Variants in FMN2 observed in about 807,000 individuals in gnomAD.
FMN2 encodes the protein formin 2.
FMN2 carries 51 observed loss-of-function variants against 142.3 expected under a neutral mutation model. The observed-to-expected ratio is 0.36, with a 90% confidence interval of 0.29 to 0.45. The LOEUF is 0.45. FMN2 is among the 20% of genes least tolerant of loss of function. The pLI, the probability that FMN2 is intolerant of heterozygous loss-of-function variation, is 1.00. For synonymous variants in FMN2, 882 were observed against 869.8 expected, an observed-to-expected ratio of 1.01 and a Z score of -0.25; for missense variants, 1,936 against 2,122.8, an observed-to-expected ratio of 0.91 and a Z score of 1.73.
chr1:240,409,135 CTTATTTTTTTACTTT>C (rs1226689829), intron 15 of FMN2, among the ~76,000 whole-genome samples: 1 of 152,020 alleles, frequency 6.6e-6, no homozygotes, highest in Non-Finnish European at 1.5e-5. Flanking sequence ...TTCCTTTTCT[CTTATTTTTTTACTTT>C]TTATTTTTTT....
At chr1:240,450,335 T>C (rs896842417) in intron 16 of FMN2, among the ~76,000 whole-genome samples, 8 of 152,218 alleles carry the variant, frequency 5.3e-5, no homozygotes, top group Non-Finnish European at 1.2e-4. Context: ...TATTGTCTTA[T>C]GTGAAGCCTA....
intron 4 of FMN2, among the ~76,000 whole-genome samples, chr1:240,196,597 C>G (rs1042023200): frequency 1.3e-5 from 2 of 152,010 alleles, no homozygotes; most frequent in African/African-American, 4.8e-5. Flanking sequence ...CTGCAACCTC[C>G]GCCTCCCAGG....
intron 16 of FMN2, among the ~76,000 whole-genome samples, chr1:240,469,912 G>A (rs1676752070): frequency 6.6e-6 from 1 of 152,154 alleles, no homozygotes. Flanking sequence ...ATGAATGGAT[G>A]AGCTGAAAGA....
intron 2 of FMN2, among the ~76,000 whole-genome samples, chr1:240,148,716 C>T (rs985298214): frequency 2.2e-4 from 33 of 152,296 alleles, no homozygotes; most frequent in African/African-American, 7.0e-4. Flanking sequence ...TGCAGTGGCT[C>T]GCGCCTGTAA....
At position 240,391,825 on chromosome 1, in the gene FMN2, C is replaced by CA. The variant is rs71638662; in HGVS notation, c.4859-674dup. On this transcript the variant is annotated intron_variant, in intron 14 of 17. Transcript: ENST00000319653. ...CATAATTCCTAGAATGCTTACTTGT[C>CA]AAAAAAAAAAAATGAAGTCACAGCC... 6.2e-3 allele frequency among the ~76,000 whole-genome samples: 861 copies of CA among 139,664 alleles called. 9 individuals are homozygous for CA. The highest frequency in any genetic ancestry group is 0.019 in the African/African-American group (712 of 37,310). The allele number at this position is 139,664 out of a possible 152,430, so 91.6% of individuals were successfully genotyped here. A position where few individuals can be genotyped will look rare whatever the true frequency, so the allele number is the denominator to read the frequency against.
At chr1:240,141,790 A>G (rs528011161) in intron 2 of FMN2, among the ~76,000 whole-genome samples, 70 of 152,274 alleles carry the variant, frequency 4.6e-4, no homozygotes, top group African/African-American at 1.5e-3. Flanking sequence ...ACTGGATTTC[A>G]CTATTTACTC....
At chr1:240,456,345 C>A (rs1676245339) in intron 16 of FMN2, among the ~76,000 whole-genome samples, 1 of 152,182 alleles carries the variant, frequency 6.6e-6, no homozygotes, top group Non-Finnish European at 1.5e-5. Context: ...CATATACTTA[C>A]AGAAATACCA....
intron 14 of FMN2, among the ~76,000 whole-genome samples, chr1:240,381,692 A>G (rs1186875110): frequency 1.3e-5 from 2 of 152,352 alleles, no homozygotes; most frequent in East Asian, 3.9e-4. Context: ...GGTCTCCCAA[A>G]GTGTTGGGAT....
At chr1:240,403,868 C>A (rs1052123675) in intron 15 of FMN2, among the ~76,000 whole-genome samples, 1 of 152,104 alleles carries the variant, frequency 6.6e-6, no homozygotes, top group African/African-American at 2.4e-5. Flanking sequence ...ACACTACATT[C>A]CCTCTCCTAC....
intron 7 of FMN2, among the ~76,000 whole-genome samples, chr1:240,272,896 A>G (rs1180952339): frequency 6.6e-6 from 1 of 152,192 alleles, no homozygotes; most frequent in Non-Finnish European, 1.5e-5. Context: ...ACATTAAACA[A>G]TTTAAATCAG....
chr1:240,402,214 T>C (rs1420029674), intron 15 of FMN2, among the ~76,000 whole-genome samples: 1 of 152,252 alleles, frequency 6.6e-6, no homozygotes, highest in African/African-American at 2.4e-5. Context: ...AGAATTGTCT[T>C]CTATAAATAG....
At position 240,368,955 on chromosome 1, in the gene FMN2, T is replaced by TTATATATATATATATATATATATATATA. The variant is rs10671772; in HGVS notation, c.4858+13065_4858+13066insTATATATATATATATATATATATATATA. On this transcript the variant is annotated intron_variant, in intron 14 of 17. Coordinates refer to ENST00000319653, the MANE Select transcript of FMN2 (RefSeq NM_020066.5). ...ATATTTAAAGTGTACAACACAATGT[T>TTATATATATATATATATATATATATATA]TATATATATATATATATAAACACAG... Among the ~76,000 whole-genome samples, 143 of 148,024 alleles carry TTATATATATATATATATATATATATATA rather than the reference T, an allele frequency of 9.7e-4. 1 individual carries two copies. The highest frequency in any genetic ancestry group is 3.3e-3 in the African/African-American group (131 of 39,698).
At chr1:240,423,897 A>T (rs186752037) in intron 15 of FMN2, among the ~76,000 whole-genome samples, 50 of 152,324 alleles carry the variant, frequency 3.3e-4, no homozygotes, top group Non-Finnish European at 5.7e-4. Context: ...CATTCACAAT[A>T]GAGGGAGAGG....
At chr1:240,146,663 C>G (rs1412177143) in intron 2 of FMN2, among the ~76,000 whole-genome samples, 2 of 151,830 alleles carry the variant, frequency 1.3e-5, no homozygotes. Context: ...GAGACTTTGT[C>G]TCAATAAATA....
chr1:240,262,372 A>G (rs1668660217), intron 7 of FMN2, among the ~76,000 whole-genome samples: 1 of 152,156 alleles, frequency 6.6e-6, no homozygotes, highest in Non-Finnish European at 1.5e-5. Flanking sequence ...CGTCCTTATG[A>G]TATTTTACAA....
At chr1:240,423,431 A>G (rs1414027758) in intron 15 of FMN2, among the ~76,000 whole-genome samples, 1 of 152,244 alleles carries the variant, frequency 6.6e-6, no homozygotes, top group Admixed American at 6.5e-5. Context: ...TGGAAGATTT[A>G]TGATGATGTT....
chr1:240,125,640 A>T (rs1006916042), intron 2 of FMN2, among the ~76,000 whole-genome samples: 4 of 152,206 alleles, frequency 2.6e-5, no homozygotes, highest in Non-Finnish European at 4.4e-5. Context: ...CCTCCTTTAA[A>T]GCCCAGAAGT....
At chr1:240,332,128 G>A (rs1049824712) in intron 11 of FMN2, among the ~76,000 whole-genome samples, 1 of 151,974 alleles carries the variant, frequency 6.6e-6, no homozygotes, top group Admixed American at 6.6e-5. Flanking sequence ...TTCCAAAATC[G>A]AATAATTCAT....
At position 240,322,738 on chromosome 1, in the gene FMN2, A is replaced by G. The variant is rs527260488; in HGVS notation, c.4216-6338A>G. ...TGGAAGGGCACTGTGGGGGATGGAA[A>G]GCACTGTTGTTCCGTGTCACCATGA... is the stretch of plus-strand genomic sequence containing the variant. On this transcript the variant is annotated intron_variant, in intron 8 of 17. Coordinates refer to ENST00000319653, the MANE Select transcript of FMN2 (RefSeq NM_020066.5). Among the ~76,000 whole-genome samples the G allele has an allele frequency of 8.5e-5, 13 of 152,260 alleles. No individual in the cohort carries two copies. In the South Asian group the frequency reaches 2.7e-3, roughly 32 times the overall value.
Sources: gnomAD v4.1 joint callset for allele counts (sites outside exome capture counted in the v4.1 genomes callset) on GRCh38, gnomAD v4.1.1 for gene constraint, MANE v1.5 for transcripts, NCBI Gene and HGNC (gene_info 2026-07-23, HGNC 2026-07-21) for gene names.